Variants in SLIT2 observed in about 807,000 individuals in gnomAD.
SLIT2 encodes slit guidance ligand 2, also known as slit homolog 2 protein.
A neutral mutation model predicts 185.7 loss-of-function variants in SLIT2; 41 were observed. That is an observed-to-expected ratio of 0.22 (90% confidence interval 0.17 to 0.29). SLIT2 has a LOEUF of 0.29. Ranked by LOEUF, SLIT2 falls within the 10% of genes least tolerant of loss-of-function variation. The pLI, the probability that SLIT2 is intolerant of heterozygous loss-of-function variation, is 1.00. For missense variants in SLIT2, 1,571 were observed against 1,909.0 expected, an observed-to-expected ratio of 0.82 and a Z score of 3.30; for synonymous variants, 693 against 680.2, an observed-to-expected ratio of 1.02 and a Z score of -0.29.
intron 5 of SLIT2, among the ~76,000 whole-genome samples, chr4:20,479,311 C>A (rs1237119514): frequency 6.6e-6 from 1 of 152,082 alleles, no homozygotes; most frequent in East Asian, 1.9e-4. Flanking sequence ...ATCATTGCAC[C>A]TTTATTCAGT....
chr4:20,265,256 A>T (rs1442527339), intron 3 of SLIT2, among the ~76,000 whole-genome samples: 1 of 151,976 alleles, frequency 6.6e-6, no homozygotes, highest in Non-Finnish European at 1.5e-5. Context: ...TTAAATTTTA[A>T]ATAAATGCTC....
intron 6 of SLIT2, 23 bp downstream of exon 6, chr4:20,480,810 C>T (rs189639452): frequency 4.9e-5 from 77 of 1,569,534 alleles, no homozygotes; most frequent in Non-Finnish European, 4.8e-5. Flanking sequence ...ATTTCTCTTG[C>T]TCTTTTAACG....
chr4:20,415,343 G>A (rs75665953), intron 4 of SLIT2, among the ~76,000 whole-genome samples: 13,438 of 148,086 alleles, frequency 0.091, 662 homozygotes, highest in South Asian at 0.17. Flanking sequence ...GCCAGGAGGC[G>A]GAGCTTGCAG....
chr4:20,402,135 T>C (rs997557421), intron 4 of SLIT2, among the ~76,000 whole-genome samples: 1 of 151,494 alleles, frequency 6.6e-6, no homozygotes, highest in African/African-American at 2.4e-5. Flanking sequence ...AGACAGGAAG[T>C]TGGTCCTGGA....
At chr4:20,557,210 C>G (rs1463596122) in intron 26 of SLIT2, among the ~76,000 whole-genome samples, 1 of 152,032 alleles carries the variant, frequency 6.6e-6, no homozygotes, top group Non-Finnish European at 1.5e-5. Flanking sequence ...GGTGGTGACA[C>G]TGTTAAACAA....
At chr4:20,518,557 G>A (rs1034951907) in intron 11 of SLIT2, among the ~76,000 whole-genome samples, 14 of 17,842 alleles carry the variant, frequency 7.8e-4, no homozygotes, top group East Asian at 1.9e-3. Context: ...CAGCCTATAT[G>A]TATATATATA....
At chr4:20,478,701 G>A (rs992234467) in intron 5 of SLIT2, among the ~76,000 whole-genome samples, 11 of 152,146 alleles carry the variant, frequency 7.2e-5, no homozygotes, top group Non-Finnish European at 7.4e-5. Flanking sequence ...AGATTTTGCC[G>A]ATTTGTCTGG....
Position 20,596,541 on chromosome 4 carries a change from T to A in SLIT2, c.3447T>A (p.Pro1149=). The change falls in exon 32 of 37, where the codon CCT becomes CCA. Residue 1149 remains proline (P), a synonymous_variant. Transcript: ENST00000504154. ...RINEPICQCL[P]GYQGEKCEKL... ...ATGAGCCAATATGTCAGTGTTTGCCTGGCTATCAGGGAGAAAAGTGTGAAA... is the reference window on the plus strand; with the variant it reads ...ATGAGCCAATATGTCAGTGTTTGCCAGGCTATCAGGGAGAAAAGTGTGAAA... 1 of 1,614,126 alleles carries A rather than the reference T, an allele frequency of 6.2e-7. No individual in the cohort carries two copies. Among genetic ancestry groups the A allele is most frequent in the Non-Finnish European group, 8.5e-7 (1 of 1,179,978 alleles).
chr4:20,310,051 G>A lies in SLIT2; in HGVS notation c.395+41170G>A, dbSNP rs192315514. Reference sequence around the variant, plus strand: ...GCTGGGATTACAGGCGTGAGCCACCGCGTCCGGCCCCTCTAGTCTCTTATC... The same window carrying A: ...GCTGGGATTACAGGCGTGAGCCACCACGTCCGGCCCCTCTAGTCTCTTATC... On this transcript the variant is annotated intron_variant, in intron 4 of 36. Transcript: ENST00000504154. Among the ~76,000 whole-genome samples the A allele has an allele frequency of 5.5e-3, 835 of 152,140 alleles. 6 individuals carry two copies. The highest frequency in any genetic ancestry group is 0.019 in the African/African-American group (769 of 41,512).
At chr4:20,342,295 A>G (rs1437880315) in intron 4 of SLIT2, among the ~76,000 whole-genome samples, 1 of 152,224 alleles carries the variant, frequency 6.6e-6, no homozygotes, top group East Asian at 1.9e-4. Flanking sequence ...ACACATTAAA[A>G]TAATAAAAAT....
At chr4:20,472,268 A>ATCTATATC (rs1217612693) in intron 5 of SLIT2, among the ~76,000 whole-genome samples, 5 of 38,784 alleles carry the variant, frequency 1.3e-4, no homozygotes, top group Admixed American at 9.4e-4. Context: ...CTATATATAG[A>ATCTATATC]TATATATCTA....
chr4:20,527,348 T>C (rs141317613), intron 15 of SLIT2, among the ~76,000 whole-genome samples: 2,017 of 152,172 alleles, frequency 0.013, 45 homozygotes, highest in African/African-American at 0.045. Flanking sequence ...TGCAGTGGCA[T>C]GATCTCGGCT....
rs111942080 is a variant in SLIT2 at position 20,521,168 on chromosome 4, T to C, written c.1130+1715T>C. On this transcript the variant is annotated intron_variant, in intron 12 of 36. Coordinates refer to ENST00000504154, the MANE Select transcript of SLIT2 (RefSeq NM_004787.4). ...CCTTCTTTTTCTTTCCATCCACACT[T>C]ATTGGTAGTTGATGTAACACACATG... is the stretch of plus-strand genomic sequence containing the variant. Among the ~76,000 whole-genome samples the C allele has an allele frequency of 7.9e-3, 1,204 of 152,292 alleles. 18 individuals carry two copies. Among genetic ancestry groups the C allele is most frequent in the African/African-American group, 0.027 (1,135 of 41,574 alleles).
At chr4:20,564,266 CA>C (rs1724918957) in intron 26 of SLIT2, among the ~76,000 whole-genome samples, 1 of 151,446 alleles carries the variant, frequency 6.6e-6, no homozygotes, top group African/African-American at 2.4e-5. Flanking sequence ...CTTAGAAGGG[CA>C]AAATATGGAC....
intron 18 of SLIT2, among the ~76,000 whole-genome samples, chr4:20,536,558 C>CAAAAAAAAA (rs35710842): frequency 2.6e-5 from 2 of 75,826 alleles, no homozygotes; most frequent in Admixed American, 1.6e-4. Context: ...AACTCTGTCG[C>CAAAAAAAAA]AAAAAAAAAA....
At position 20,551,045 on chromosome 4, in the gene SLIT2, G is replaced by A. The variant is rs1458785339; in HGVS notation, c.2561+147G>A. The A allele has an allele frequency of 8.0e-6, 4 of 498,872 alleles. No individual in the cohort carries two copies. In the Admixed American group the frequency reaches 1.5e-4, roughly 19 times the overall value. 30.9% of individuals were successfully genotyped at this position (498,872 alleles called of 1,614,324 possible). ...AGAAAATGTGAAGATTTTCAAACTG[G>A]ATATGATGCCTTCTGCAAGATGGCT... On this transcript the variant is annotated intron_variant, in intron 25 of 36. Coordinates refer to ENST00000504154, the MANE Select transcript of SLIT2 (RefSeq NM_004787.4).
intron 3 of SLIT2, among the ~76,000 whole-genome samples, chr4:20,259,359 G>A (rs1159617603): frequency 6.6e-6 from 1 of 151,590 alleles, no homozygotes; most frequent in Non-Finnish European, 1.5e-5. Context: ...CAAATGTTTG[G>A]TAAAATGAAT....
intron 2 of SLIT2, 111 bp from the exon 3 acceptor site, chr4:20,257,757 A>G: frequency 2.9e-6 from 2 of 695,008 alleles, no homozygotes; most frequent in Non-Finnish European, 5.2e-6. Flanking sequence ...AAATCAGAGC[A>G]CAATTTAACT....
intron 18 of SLIT2, among the ~76,000 whole-genome samples, chr4:20,537,189 A>G (rs1722373007): frequency 6.6e-6 from 1 of 152,236 alleles, no homozygotes; most frequent in Admixed American, 6.5e-5. Context: ...ATGGAGTATT[A>G]TGTGCTGTAC....
Sources: gnomAD v4.1 joint callset for allele counts (sites outside exome capture counted in the v4.1 genomes callset) on GRCh38, gnomAD v4.1.1 for gene constraint, MANE v1.5 for transcripts, NCBI Gene and HGNC (gene_info 2026-07-23, HGNC 2026-07-21) for gene names.